ADGRL3: variants seen among roughly 807,000 people sequenced by gnomAD.
The protein encoded by ADGRL3 is calcium-independent alpha-latrotoxin receptor 3.
Under a neutral mutation model 153.5 loss-of-function variants are expected in ADGRL3, and 62 were observed. The observed-to-expected ratio is 0.40, with a 90% CI of 0.33 to 0.50. The LOEUF is 0.50. ADGRL3 is among the 20% of genes least tolerant of loss of function. The pLI is 0.47. For missense variants in ADGRL3, 1,641 were observed against 1,859.4 expected (o/e 0.88, Z 2.16); for synonymous variants, 710 against 672.5 (o/e 1.06, Z -0.86).
At chr4:61,314,842 T>C (rs1358220291) in intron 1 of ADGRL3, among the ~76,000 whole-genome samples, 1 of 152,152 alleles carries the variant, frequency 6.6e-6, no homozygotes, top group Non-Finnish European at 1.5e-5. Flanking sequence ...CAAAGAAATA[T>C]CCACTCCCAA....
intron 25 of ADGRL3, among the ~76,000 whole-genome samples, chr4:62,062,690 A>C (rs1295985378): frequency 6.6e-6 from 1 of 152,106 alleles, no homozygotes; most frequent in Non-Finnish European, 1.5e-5. Context: ...TAAGAACAAA[A>C]AGTATTAACA....
At chr4:61,923,016 A>G (rs1329690489) in intron 13 of ADGRL3, among the ~76,000 whole-genome samples, 4 of 152,214 alleles carry the variant, frequency 2.6e-5, no homozygotes, top group Non-Finnish European at 5.9e-5. Flanking sequence ...CAATTCAGCA[A>G]TGTGACTACC....
chr4:61,892,195 T>TTG (rs1554056174), intron 9 of ADGRL3, among the ~76,000 whole-genome samples: 1 of 144,994 alleles, frequency 6.9e-6, no homozygotes, highest in African/African-American at 2.5e-5. Context: ...TTTTTTTTTT[T>TTG]GTCCTCTCAC....
intron 25 of ADGRL3, among the ~76,000 whole-genome samples, chr4:62,063,205 A>AT (rs1352002355): frequency 2.0e-5 from 3 of 151,646 alleles, no homozygotes; most frequent in African/African-American, 7.3e-5. Context: ...TTTCACTTTA[A>AT]TTTTAATTTT....
intron 6 of ADGRL3, among the ~76,000 whole-genome samples, chr4:61,717,196 ATG>A (rs780528173): frequency 2.1e-3 from 229 of 106,860 alleles, no homozygotes; most frequent in Non-Finnish European, 2.8e-3. Context: ...CACATAGTTT[ATG>A]TGTGTGTGTG....
chr4:62,061,212 A>G (rs1366185344), intron 25 of ADGRL3, among the ~76,000 whole-genome samples: 1 of 151,382 alleles, frequency 6.6e-6, no homozygotes, highest in Non-Finnish European at 1.5e-5. Context: ...TTTTTGTTTC[A>G]TTAATTTAAT....
intron 25 of ADGRL3, among the ~76,000 whole-genome samples, chr4:62,044,920 A>G (rs1021718546): frequency 6.6e-6 from 1 of 152,076 alleles, no homozygotes; most frequent in Non-Finnish European, 1.5e-5. Context: ...AAGCAATTTC[A>G]TAGTCTTTGC....
chr4:61,787,366 T>TA (rs1561250310), intron 8 of ADGRL3, among the ~76,000 whole-genome samples: 1 of 151,962 alleles, frequency 6.6e-6, no homozygotes, highest in Non-Finnish European at 1.5e-5. Context: ...TACTTTTTTT[T>TA]TAAAAAAAAA....
chr4:61,714,659 G>C (rs989097674), intron 6 of ADGRL3, among the ~76,000 whole-genome samples: 1 of 152,128 alleles, frequency 6.6e-6, no homozygotes, highest in Admixed American at 6.6e-5. Context: ...GGGAGGAGGA[G>C]CTCATGCAGA....
chr4:61,614,378 C>T (rs1040029556), intron 5 of ADGRL3, among the ~76,000 whole-genome samples: 2 of 152,084 alleles, frequency 1.3e-5, no homozygotes, highest in African/African-American at 4.8e-5. Flanking sequence ...CTGATGTCTG[C>T]TAGGAGGCAG....
intron 8 of ADGRL3, among the ~76,000 whole-genome samples, chr4:61,768,083 G>A (rs960941077): frequency 6.6e-5 from 10 of 152,098 alleles, no homozygotes; most frequent in African/African-American, 9.7e-5. Flanking sequence ...GCCATGAACT[G>A]GGCTGGATTT....
chr4:61,466,448 A>G (rs1285076465), intron 2 of ADGRL3, among the ~76,000 whole-genome samples: 1 of 152,218 alleles, frequency 6.6e-6, no homozygotes, highest in African/African-American at 2.4e-5. Flanking sequence ...CTATAATTCC[A>G]TTGTAGAAAT....
At chr4:61,414,303 A>C (rs994077675) in intron 2 of ADGRL3, among the ~76,000 whole-genome samples, 1 of 152,198 alleles carries the variant, frequency 6.6e-6, no homozygotes, top group African/African-American at 2.4e-5. Flanking sequence ...CTTTTCAGTA[A>C]GCAATGCTTC....
chr4:62,059,934 A>G (rs1739147448), intron 25 of ADGRL3, among the ~76,000 whole-genome samples: 1 of 152,144 alleles, frequency 6.6e-6, no homozygotes, highest in South Asian at 2.1e-4. Flanking sequence ...CACCTACACA[A>G]AAACTGAAAA....
chr4:62,007,059 G>A (rs573763632), intron 21 of ADGRL3, among the ~76,000 whole-genome samples: 256 of 151,804 alleles, frequency 1.7e-3, no homozygotes, highest in African/African-American at 5.8e-3. Flanking sequence ...ATCATCTTGT[G>A]GTCCAAGAAT....
chr4:61,334,255 T>C (rs939511384), intron 1 of ADGRL3, among the ~76,000 whole-genome samples: 2 of 152,112 alleles, frequency 1.3e-5, no homozygotes, highest in African/African-American at 4.8e-5. Flanking sequence ...GTACATGAAC[T>C]ATAATATTTT....
chr4:61,396,486 G>A (rs1217534727), intron 2 of ADGRL3, among the ~76,000 whole-genome samples: 2 of 151,848 alleles, frequency 1.3e-5, no homozygotes, highest in Non-Finnish European at 2.9e-5. Flanking sequence ...TCAGTAAGGA[G>A]AGATTCTTAC....
At chr4:61,378,915 C>T (rs1303298192) in intron 1 of ADGRL3, among the ~76,000 whole-genome samples, 2 of 151,674 alleles carry the variant, frequency 1.3e-5, no homozygotes, top group East Asian at 1.9e-4. Context: ...GGTGGTTGAA[C>T]GAAGTACAAA....
chr4:61,814,685 C>T (rs1407330541), intron 9 of ADGRL3, among the ~76,000 whole-genome samples: 2 of 152,220 alleles, frequency 1.3e-5, no homozygotes, highest in East Asian at 3.9e-4. Flanking sequence ...CGTTTCTGAA[C>T]ATGTTTTCTG....
Sources: gnomAD v4.1 joint callset for allele counts (sites outside exome capture counted in the v4.1 genomes callset) on GRCh38, gnomAD v4.1.1 for gene constraint, MANE v1.5 for transcripts, NCBI Gene and HGNC (gene_info 2026-07-23, HGNC 2026-07-21) for gene names.